The following AEN variants were observed in gnomAD, a reference collection of about 807,000 sequenced individuals.
The protein encoded by AEN is apoptosis enhancing nuclease.
AEN carries 21 observed loss-of-function variants against 17.7 expected under a neutral mutation model. The ratio of observed to expected loss-of-function variants is 1.19; its 90% CI spans 0.84 to 1.71. The LOEUF (loss-of-function observed/expected upper bound fraction) is 1.71, where lower values mean the gene tolerates loss of function less well. Among genes scored for constraint, AEN ranks in the 40% most tolerant of loss-of-function variants. The pLI, the probability that AEN is intolerant of heterozygous loss-of-function variation, is 0.00. For missense variants in AEN, 462 were observed against 435.9 expected, an observed-to-expected ratio of 1.06 and a Z score of -0.53; for synonymous variants, 190 against 173.0, an observed-to-expected ratio of 1.10 and a Z score of -0.77.
At chr15:88,624,420 A>G (rs749783779) in intron 1 of AEN, among the ~76,000 whole-genome samples, 2 of 152,178 alleles carry the variant, frequency 1.3e-5, no homozygotes, top group Non-Finnish European at 2.9e-5. Flanking sequence ...ACCACGGGCT[A>G]GAGTCTAACC....
At chr15:88,614,269 G>A in the AEN span, among the ~76,000 whole-genome samples, 1 of 151,484 alleles carries the variant, frequency 6.6e-6, no homozygotes, top group African/African-American at 2.4e-5. Flanking sequence ...GTGTGATCTC[G>A]GCTCAATGCA....
Position 88,631,371 on chromosome 15 carries a change from A to G in AEN, c.*1077A>G, listed in dbSNP as rs574364213. 3.7e-4 allele frequency: 93 copies of G among 250,998 alleles called. No individual in the cohort carries two copies. Among genetic ancestry groups the G allele is most frequent in the African/African-American group, 2.0e-3 (89 of 45,198 alleles). The allele number at this position is 250,998 out of a possible 1,614,324, so 15.5% of individuals were successfully genotyped here. A position where few individuals can be genotyped will look rare whatever the true frequency, so the allele number is the denominator to read the frequency against. On this transcript the variant is annotated 3_prime_UTR_variant, in exon 4 of 4. Coordinates refer to ENST00000332810, the MANE Select transcript of AEN (RefSeq NM_022767.4). ...CACTGTGGCTGTTGGGTTTTCTCCT[A>G]TTTCTAAAAATGTTCTCTTCTTTCC... is the stretch of plus-strand genomic sequence containing the variant.
the AEN span, among the ~76,000 whole-genome samples, chr15:88,607,566 C>A: frequency 6.6e-6 from 1 of 152,196 alleles, no homozygotes; most frequent in South Asian, 2.1e-4. Flanking sequence ...ACAATAACAA[C>A]AACAAAAAGA....
rs1332108514 is a variant in AEN at position 88,626,366 on chromosome 15, C to T, written c.157C>T (p.Leu53=). 1.2e-6 allele frequency: 2 copies of T among 1,612,976 alleles called. No homozygotes were observed. Among genetic ancestry groups the T allele is most frequent in the Non-Finnish European group, 1.7e-6 (2 of 1,179,698 alleles). The change falls in exon 2 of 4, where the codon CTG becomes TTG. Residue 53 remains leucine (L), a synonymous_variant. Transcript: ENST00000332810. ...GGCCTTGCTGCAGGAGCAGGGGCTG[C>T]TGAGCATGCCTCCAGAACCAGGGTC... The part of the protein sequence containing the change: ...RKALLQEQGL[L]SMPPEPGSSP...
chr15:88,611,433 T>TAAAAAAAAAAA, the AEN span, among the ~76,000 whole-genome samples: 2 of 94,032 alleles, frequency 2.1e-5, no homozygotes, highest in South Asian at 7.4e-4. Flanking sequence ...TTGTCTTTAC[T>TAAAAAAAAAAA]AAAAAAAAAA....
intron 1 of AEN, chr15:88,621,715 G>A (rs368014784): frequency 2.5e-4 from 38 of 152,272 alleles, no homozygotes; most frequent in African/African-American, 8.9e-4. Context: ...AGCCGGCGGG[G>A]AGGTCGTGCC....
chr15:88,614,912 G>T, the AEN span, among the ~76,000 whole-genome samples: 2 of 152,060 alleles, frequency 1.3e-5, no homozygotes, highest in Admixed American at 1.3e-4. Flanking sequence ...TTGTGAGATG[G>T]AGTCTCGCTC....
chr15:88,630,527 C>A lies in AEN; in HGVS notation c.*233C>A. Reference sequence around the variant, plus strand: ...CTGACTCCTGTGGTTTTGCTAATGGCACTTTACAGACTCCATGGAGATGTC... The same window carrying A: ...CTGACTCCTGTGGTTTTGCTAATGGAACTTTACAGACTCCATGGAGATGTC... On this transcript the variant is annotated 3_prime_UTR_variant, in exon 4 of 4. Coordinates refer to ENST00000332810, the MANE Select transcript of AEN (RefSeq NM_022767.4). The surrounding 1 kb of genome is among the most constrained non-coding windows in gnomAD (Gnocchi z 5.1). 1.8e-6 allele frequency: 1 copy of A among 543,036 alleles called. No homozygotes were observed. The highest frequency in any genetic ancestry group is 2.1e-5 in the South Asian group (1 of 46,810). 33.6% of individuals were successfully genotyped at this position (543,036 alleles called of 1,614,324 possible).
intron 1 of AEN, 66 bp from the exon 2 acceptor site, chr15:88,626,080 G>C: frequency 9.3e-7 from 1 of 1,075,840 alleles, no homozygotes. Flanking sequence ...CAGGGAGGGA[G>C]GGAGGGTGGG....
At chr15:88,627,044 C>T (rs952044862) in intron 2 of AEN, 3 of 369,248 alleles carry the variant, frequency 8.1e-6, no homozygotes, top group African/African-American at 4.1e-5. Flanking sequence ...AAAAGTTGTA[C>T]GCATTGATAT....
the AEN span, among the ~76,000 whole-genome samples, chr15:88,615,169 T>A: frequency 6.6e-6 from 1 of 152,188 alleles, no homozygotes; most frequent in Non-Finnish European, 1.5e-5. Context: ...CGGCCTCGTC[T>A]GTGTTTTTTC....
intron 1 of AEN, among the ~76,000 whole-genome samples, chr15:88,622,361 G>C (rs2057798566): frequency 6.6e-6 from 1 of 152,200 alleles, no homozygotes; most frequent in African/African-American, 2.4e-5. Context: ...GTGTGTCCTT[G>C]ATGACTGTTG....
rs755143495 is a variant in AEN at position 88,629,377 on chromosome 15, G to A, written c.692G>A (p.Arg231Gln). The A allele has an allele frequency of 4.0e-5, 65 of 1,613,952 alleles. No homozygotes were observed. Among genetic ancestry groups the A allele is most frequent in the East Asian group, 4.5e-5 (2 of 44,886 alleles). The change falls in exon 3 of 4, where the codon CGG becomes CAG. Residue 231 changes from arginine to glutamine, a missense_variant. Coordinates refer to ENST00000332810, the MANE Select transcript of AEN (RefSeq NM_022767.4). Reference protein sequence around the residue: ...LSEPGLHTRARVSLKDLALQL... With the variant: ...LSEPGLHTRAQVSLKDLALQL... Reference sequence around the variant, plus strand: ...GAGCCCGGCCTCCACACCCGGGCCCGGGTCTCTCTAAAGGACCTGGCCCTG... The same window carrying A: ...GAGCCCGGCCTCCACACCCGGGCCCAGGTCTCTCTAAAGGACCTGGCCCTG...
chr15:88,630,147 G>A lies in AEN; in HGVS notation c.831G>A (p.Glu277=), dbSNP rs1567106524. The A allele has an allele frequency of 6.2e-7, 1 of 1,613,802 alleles. No individual in the cohort carries two copies. Residue 277 remains glutamate, a synonymous_variant, in exon 4 of 4, where the codon GAG becomes GAA. Transcript: ENST00000332810. This position sits in a 1 kb window ranked among gnomAD's most constrained non-coding sequence, Gnocchi z 5.1. ...RLVEVQWEQQ[E]ARSLWTCPED... is the part of the protein sequence containing the mutation. ...TGGAGGTGCAGTGGGAACAGCAGGA[G>A]GCCCGCAGCCTCTGGACCTGCCCCG...
chr15:88,606,120 G>A, the AEN span, among the ~76,000 whole-genome samples: 7 of 152,190 alleles, frequency 4.6e-5, no homozygotes, highest in Admixed American at 3.9e-4. Flanking sequence ...TGAGCAAAGG[G>A]GCAAGCGGGA....
At chr15:88,624,883 C>CAAAAAAAAGAAA (rs10701067) in intron 1 of AEN, among the ~76,000 whole-genome samples, 3 of 148,678 alleles carry the variant, frequency 2.0e-5, no homozygotes, top group African/African-American at 7.4e-5. Flanking sequence ...AACTCCGCCT[C>CAAAAAAAAGAAA]AAAAAATGCC....
intron 1 of AEN, 121 bp from the exon 2 acceptor site, chr15:88,626,025 G>A (rs184687074): frequency 2.0e-5 from 12 of 612,794 alleles, no homozygotes; most frequent in Admixed American, 3.4e-5. Flanking sequence ...TGGGAGCCAC[G>A]AGCTACGGTG....
rs752528457 is a variant in AEN at position 88,626,389 on chromosome 15, G to A, written c.180G>A (p.Gly60=). The change falls in exon 2 of 4, where the codon GGG becomes GGA. Residue 60 remains glycine, a synonymous_variant. Coordinates refer to ENST00000332810, the MANE Select transcript of AEN (RefSeq NM_022767.4). ...TGCTGAGCATGCCTCCAGAACCAGG[G>A]TCCTCCCCACTGCCCACCCCTTTCG... The part of the protein sequence containing the change: ...QGLLSMPPEP[G]SSPLPTPFGA... The A allele has an allele frequency of 1.2e-6, 2 of 1,612,588 alleles. No individual in the cohort carries two copies. The highest frequency in any genetic ancestry group is 1.7e-6 in the Non-Finnish European group (2 of 1,179,490).
chr15:88,628,325 CAT>C (rs541056532), intron 2 of AEN: 45 of 152,392 alleles, frequency 3.0e-4, no homozygotes, highest in Admixed American at 1.8e-3. Flanking sequence ...TGGGGATAAA[CAT>C]ATGTTGCCAG....
Sources: allele counts gnomAD v4.1 joint callset (sites outside exome capture counted in the v4.1 genomes callset), GRCh38; gene constraint gnomAD v4.1.1; non-coding constraint Gnocchi (gnomAD v3.1); transcripts MANE v1.5; gene names NCBI Gene and HGNC (gene_info 2026-07-23, HGNC 2026-07-21).